The following SYNE1 variants were observed in gnomAD, a reference collection of about 807,000 sequenced individuals.
SYNE1 encodes the protein spectrin repeat containing nuclear envelope protein 1, also known as nesprin-1.
SYNE1 carries 616 observed loss-of-function variants against 1,111.0 expected under a neutral mutation model. The observed-to-expected ratio is 0.55, with a 90% CI of 0.52 to 0.59. The LOEUF (loss-of-function observed/expected upper bound fraction) is 0.59, where lower values mean the gene tolerates loss of function less well. SYNE1 is among the 20% of genes least tolerant of loss of function. The probability of loss-of-function intolerance (pLI) is 0.00; values close to 1 mark genes in which losing one functional copy is unlikely to be tolerated. For synonymous variants in SYNE1, 3,855 were observed against 3,825.8 expected, an observed-to-expected ratio of 1.01 and a Z score of -0.28; for missense variants, 10,006 against 10,417.0, an observed-to-expected ratio of 0.96 and a Z score of 1.72.
chr6:152,253,818 G>GT (rs35951972), intron 104 of SYNE1, among the ~76,000 whole-genome samples: 1 of 74,868 alleles, frequency 1.3e-5, no homozygotes. Context: ...TAGTGGTTTG[G>GT]TTTTTTTTTT....
chr6:152,574,674 A>G (rs998900130), intron 3 of SYNE1, among the ~76,000 whole-genome samples: 2 of 152,178 alleles, frequency 1.3e-5, no homozygotes, highest in Non-Finnish European at 2.9e-5. Context: ...GGAAAACCCC[A>G]CTTGAAGGAT....
chr6:152,364,045 G>A (rs1454388335), intron 63 of SYNE1, among the ~76,000 whole-genome samples: 1 of 152,184 alleles, frequency 6.6e-6, no homozygotes, highest in East Asian at 1.9e-4. Flanking sequence ...CCAATGGGAG[G>A]TAATTGAATC....
chr6:152,408,910 C>A (rs1376731330), intron 44 of SYNE1, among the ~76,000 whole-genome samples, 158 bp downstream of exon 44: 1 of 151,246 alleles, frequency 6.6e-6, no homozygotes, highest in African/African-American at 2.4e-5. Context: ...GCTGAGATTG[C>A]GCCATTGCAC....
chr6:152,353,804 G>C (rs1029510629), intron 67 of SYNE1, 60 bp from the exon 68 acceptor site: 83 of 1,598,118 alleles, frequency 5.2e-5, no homozygotes, highest in Non-Finnish European at 6.7e-5. Flanking sequence ...TAAGCCAAAT[G>C]TATATCTTCT....
intron 10 of SYNE1, among the ~76,000 whole-genome samples, chr6:152,502,049 GA>G (rs1366574762): frequency 2.0e-5 from 3 of 151,996 alleles, no homozygotes; most frequent in South Asian, 2.1e-4. Context: ...GTCAAATACA[GA>G]AAATTTTTTC....
intron 91 of SYNE1, among the ~76,000 whole-genome samples, chr6:152,302,674 A>AT (rs1195055527): frequency 6.6e-6 from 1 of 152,222 alleles, no homozygotes; most frequent in African/African-American, 2.4e-5. Flanking sequence ...AAAATTTTGT[A>AT]TATTCATCAA....
chr6:152,391,324 T>C lies in SYNE1; in HGVS notation c.7957A>G (p.Thr2653Ala). 1 of 1,614,024 alleles carries C rather than the reference T, an allele frequency of 6.2e-7. No individual in the cohort carries two copies. Among genetic ancestry groups the C allele is most frequent in the Non-Finnish European group, 8.5e-7 (1 of 1,180,004 alleles). ...TCCAGGGTGTCTTTGCTCCCAAGAG[T>C]GCTCTCTGCACAGGCCAGTCTGTCC... Reference protein sequence around the residue: ...IQDRLACAESTLGSKDTLEKR... With the variant: ...IQDRLACAESALGSKDTLEKR... Residue 2653 changes from threonine to alanine, a missense_variant, in exon 52 of 146, where the codon ACT becomes GCT. Physicochemically the swap from Thr to Ala is moderately conservative, Grantham distance 58. Transcript: ENST00000367255.
chr6:152,151,631 G>A lies in SYNE1; in HGVS notation c.24372C>T (p.Leu8124=). 3.7e-6 allele frequency: 6 copies of A among 1,614,122 alleles called. No individual in the cohort carries two copies. The highest frequency in any genetic ancestry group is 2.5e-6 in the Non-Finnish European group (3 of 1,180,026). ...TAGTGAGCTGCAGATCCATCTCTGT[G>A]AGCCAGACCAGAATGCTGTCCCGCG... The part of the protein sequence containing the change: ...ETARDSILVW[L]TEMDLQLTNI... Residue 8124 remains leucine, a synonymous_variant, in exon 135 of 146, where the codon CTC becomes CTT. Transcript: ENST00000367255.
intron 145 of SYNE1, chr6:152,129,027 A>G (rs983239535): frequency 3.3e-5 from 5 of 152,246 alleles, no homozygotes; most frequent in Non-Finnish European, 7.3e-5. Flanking sequence ...ATGCTCAGAA[A>G]GATGTTAATG....
intron 32 of SYNE1, among the ~76,000 whole-genome samples, chr6:152,438,352 G>A (rs540687137): frequency 3.0e-4 from 46 of 152,258 alleles, no homozygotes; most frequent in African/African-American, 9.4e-4. Flanking sequence ...GTTTGAAAAT[G>A]CTTATATACA....
intron 95 of SYNE1, among the ~76,000 whole-genome samples, chr6:152,286,529 T>C (rs1339743361): frequency 3.9e-5 from 6 of 152,354 alleles, no homozygotes; most frequent in African/African-American, 1.4e-4. Context: ...TAAGTTTTTC[T>C]AGTGGGTTTA....
At chr6:152,515,049 C>T (rs1396953542) in intron 6 of SYNE1, among the ~76,000 whole-genome samples, 1 of 152,052 alleles carries the variant, frequency 6.6e-6, no homozygotes, top group Non-Finnish European at 1.5e-5. Context: ...TGGTGAAACT[C>T]TGTCACTACT....
At chr6:152,583,442 A>C (rs1381389513) in intron 3 of SYNE1, among the ~76,000 whole-genome samples, 1 of 152,214 alleles carries the variant, frequency 6.6e-6, no homozygotes, top group African/African-American at 2.4e-5. Context: ...GGATAAAAAT[A>C]GTGTCACCAG....
intron 62 of SYNE1, 140 bp from the exon 63 acceptor site, chr6:152,365,159 G>T: frequency 1.9e-6 from 2 of 1,038,514 alleles, no homozygotes; most frequent in Non-Finnish European, 2.8e-6. Flanking sequence ...GAGACAGAGG[G>T]TGGGGAAGTG....
chr6:152,314,923 A>G (rs371073006), intron 87 of SYNE1, among the ~76,000 whole-genome samples: 1 of 36,712 alleles, frequency 2.7e-5, no homozygotes, highest in African/African-American at 6.9e-5. Context: ...TGCAATGATG[A>G]CGAGGTTGCA....
chr6:152,320,673 G>GT (rs1563040439), intron 84 of SYNE1, among the ~76,000 whole-genome samples: 1 of 152,168 alleles, frequency 6.6e-6, no homozygotes, highest in African/African-American at 2.4e-5. Flanking sequence ...AAAAATATTT[G>GT]TTTTTTAGAG....
Position 152,447,546 on chromosome 6 carries a change from A to T in SYNE1, c.3581T>A (p.Val1194Asp), listed in dbSNP as rs778956613. 8.7e-6 allele frequency: 14 copies of T among 1,614,108 alleles called. No homozygotes were observed. The South Asian group carries it at 1.5e-4, about 18-fold the overall frequency. Reference sequence around the variant, plus strand: ...CTTTTGGGCTTCATTCTCAGAAGAAACTTCTGTCAAAACTTTCAGCCTGGA... The same window carrying T: ...CTTTTGGGCTTCATTCTCAGAAGAATCTTCTGTCAAAACTTTCAGCCTGGA... The part of the protein sequence containing the change: ...LKSRLKVLTE[V>D]SSENEAQKQG... Residue 1194 changes from valine (V) to aspartate (D), a missense_variant, in exon 29 of 146, where the codon GTT (valine) becomes GAT (aspartate). This residue lies in a region of SYNE1 where 1,971 missense variants were observed against 2,084.1 expected (regional missense o/e 0.95). Transcript: ENST00000367255.
At chr6:152,604,942 CACAA>C (rs1288585100) in intron 3 of SYNE1, among the ~76,000 whole-genome samples, 6 of 116,756 alleles carry the variant, frequency 5.1e-5, no homozygotes, top group African/African-American at 2.0e-4. Context: ...GACCCTATCT[CACAA>C]AGAAAGAAAG....
At chr6:152,622,359 C>A (rs1015286361) in intron 3 of SYNE1, among the ~76,000 whole-genome samples, 1 of 152,058 alleles carries the variant, frequency 6.6e-6, no homozygotes, top group African/African-American at 2.4e-5. Flanking sequence ...TGGATTATTT[C>A]ATCATCCAGA....
Sources: allele counts gnomAD v4.1 joint callset (sites outside exome capture counted in the v4.1 genomes callset), GRCh38; gene constraint gnomAD v4.1.1; regional missense constraint gnomAD v4.1.1; transcripts MANE v1.5; gene names NCBI Gene and HGNC (gene_info 2026-07-23, HGNC 2026-07-21).